Variants in ESRRG observed in about 807,000 individuals in gnomAD.
The protein encoded by ESRRG is estrogen related receptor gamma.
ESRRG carries 13 observed loss-of-function variants against 44.0 expected under a neutral mutation model. That is an observed-to-expected ratio of 0.30 (90% CI 0.19 to 0.47). ESRRG has a LOEUF of 0.47. ESRRG is among the 20% of genes least tolerant of loss of function. The pLI is 1.00. For missense variants in ESRRG, 395 were observed against 580.6 expected (o/e 0.68, Z 3.29); for synonymous variants, 215 against 214.6 (o/e 1.00, Z -0.02).
intron 1 of ESRRG, among the ~76,000 whole-genome samples, chr1:217,085,339 G>A (rs549655073): frequency 6.6e-6 from 1 of 152,130 alleles, no homozygotes; most frequent in African/African-American, 2.4e-5. Context: ...TCTCTTAAAA[G>A]AAGGCCCCGT....
intron 1 of ESRRG, among the ~76,000 whole-genome samples, chr1:217,035,002 T>C (rs1236814508): frequency 6.6e-6 from 1 of 152,174 alleles, no homozygotes; most frequent in Non-Finnish European, 1.5e-5. Context: ...TAATTAAATG[T>C]CAAATCCCCC....
At chr1:217,087,897 G>A (rs969068513) in intron 1 of ESRRG, among the ~76,000 whole-genome samples, 5 of 152,016 alleles carry the variant, frequency 3.3e-5, no homozygotes, top group East Asian at 1.9e-4. Flanking sequence ...ATGTCACTTC[G>A]TCTCCATCAG....
chr1:217,058,934 AAACT>A (rs2087750964), intron 1 of ESRRG, among the ~76,000 whole-genome samples: 1 of 148,572 alleles, frequency 6.7e-6, no homozygotes. Context: ...AAGATAATAT[AAACT>A]AATAAAAACT....
intron 1 of ESRRG, among the ~76,000 whole-genome samples, chr1:217,135,985 G>GGA (rs930694044): frequency 2.0e-5 from 3 of 152,056 alleles, no homozygotes; most frequent in East Asian, 1.9e-4. Flanking sequence ...GGATAGATTG[G>GGA]GAGAGAGAGA....
intron 2 of ESRRG, among the ~76,000 whole-genome samples, chr1:216,849,977 G>T (rs938373782): frequency 3.9e-5 from 6 of 151,974 alleles, no homozygotes; most frequent in African/African-American, 1.4e-4. Flanking sequence ...ATTTCTAATT[G>T]CACTTTAAAA....
intron 1 of ESRRG, 31 bp downstream of exon 1, chr1:216,723,213 A>T: frequency 7.2e-7 from 1 of 1,392,442 alleles, no homozygotes; most frequent in Non-Finnish European, 1.0e-6. Flanking sequence ...CCCCACGACG[A>T]GTTTAAAAAG....
At chr1:216,758,572 G>T (rs2092595484) in intron 2 of ESRRG, among the ~76,000 whole-genome samples, 1 of 151,838 alleles carries the variant, frequency 6.6e-6, no homozygotes, top group South Asian at 2.1e-4. Flanking sequence ...TTTTTTTAAA[G>T]CGACTCAAAG....
chr1:216,763,261 A>ATGT (rs5780919), intron 2 of ESRRG, among the ~76,000 whole-genome samples: 24,300 of 151,970 alleles, frequency 0.16, 2,690 homozygotes, highest in African/African-American at 0.31. Context: ...AGGCCATAAC[A>ATGT]TGTTGTTGTT....
intron 1 of ESRRG, among the ~76,000 whole-genome samples, chr1:216,996,243 G>A (rs2076360537): frequency 6.6e-6 from 1 of 152,112 alleles, no homozygotes; most frequent in African/African-American, 2.4e-5. Context: ...AGGAAAAAGA[G>A]GAGGAAGAGT....
rs56050369 is a variant in ESRRG, at chr1:216,931,835, C to CAAAAAA, written c.-14+7741_-14+7746dup. On this transcript the variant is annotated intron_variant, in intron 2 of 7. Coordinates refer to the ESRRG transcript ENST00000359162. ...ATCAAGACAGAAAAATGAGAAACCA[C>CAAAAAA]AAAAAAAAAAAAAAACACAAAATAA... Among the ~76,000 whole-genome samples, 643 of 130,874 alleles carry CAAAAAA rather than the reference C, an allele frequency of 4.9e-3. 3 individuals carry two copies. The highest frequency in any genetic ancestry group is 0.01 in the South Asian group (44 of 4,232). 85.9% of individuals were successfully genotyped at this position (130,874 alleles called of 152,430 possible).
At chr1:216,519,521 A>G in intron 5 of ESRRG, 100 bp from the exon 6 acceptor site, 1 of 1,150,016 alleles carries the variant, frequency 8.7e-7, no homozygotes, top group Non-Finnish European at 1.2e-6. Flanking sequence ...AGTGCTCAAA[A>G]TTATGCTGAG....
intron 1 of ESRRG, among the ~76,000 whole-genome samples, chr1:216,974,421 T>C (rs1399473662): frequency 6.6e-6 from 1 of 152,162 alleles, no homozygotes; most frequent in Non-Finnish European, 1.5e-5. Context: ...GACAATAACC[T>C]AGACCTAACT....
chr1:216,734,404 C>T (rs1459638878), intron 2 of ESRRG, among the ~76,000 whole-genome samples: 2 of 152,112 alleles, frequency 1.3e-5, no homozygotes, highest in Non-Finnish European at 2.9e-5. Context: ...TCAGGAATGG[C>T]TTGGTGCTGT....
intron 1 of ESRRG, among the ~76,000 whole-genome samples, chr1:216,969,417 A>C (rs185407418): frequency 0.022 from 3,303 of 151,936 alleles, 38 homozygotes; most frequent in Middle Eastern, 0.071. Flanking sequence ...TTGAAAAAAA[A>C]CATAGAAAAA....
intron 2 of ESRRG, among the ~76,000 whole-genome samples, chr1:216,869,872 C>A (rs1446842428): frequency 6.6e-6 from 1 of 151,822 alleles, no homozygotes. Context: ...TATAGAAATG[C>A]AATGATTTTT....
At chr1:216,674,043 T>A (rs940349319) in intron 2 of ESRRG, among the ~76,000 whole-genome samples, 2 of 152,354 alleles carry the variant, frequency 1.3e-5, no homozygotes, top group Non-Finnish European at 2.9e-5. Context: ...TATTTGCTTA[T>A]CTTTGTGTAG....
rs955327161 is a variant in ESRRG, at chr1:216,700,512, G to A, written c.56+22732C>T. 6.6e-5 allele frequency among the ~76,000 whole-genome samples: 10 copies of A among 151,946 alleles called. 1 individual carries two copies. The highest frequency in any genetic ancestry group is 4.4e-5 in the Non-Finnish European group (3 of 67,984). ...CACATACACAAACACACACACTTAC[G>A]CACTCATTTGCTCACTCTTAAACAT... On this transcript the variant is annotated intron_variant, in intron 1 of 6. Transcript: ENST00000408911.
At position 217,079,281 on chromosome 1, in the gene ESRRG, G is replaced by A. The variant is rs78962042; in HGVS notation, c.-106+10226C>T. Among the ~76,000 whole-genome samples the A allele has an allele frequency of 8.9e-4, 135 of 152,238 alleles. 1 individual carries two copies. Among genetic ancestry groups the A allele is most frequent in the Non-Finnish European group, 1.6e-3 (110 of 68,014 alleles). ...TCTTCTGTCTCTATGACAAGTCCAG[G>A]TTATGGTATATTATATGGTATTTTT... On this transcript the variant is annotated intron_variant, in intron 1 of 7. Transcript: ENST00000359162.
chr1:216,667,079 A>T (rs1438353954), intron 2 of ESRRG, among the ~76,000 whole-genome samples: 1 of 152,220 alleles, frequency 6.6e-6, no homozygotes, highest in South Asian at 2.1e-4. Flanking sequence ...GATAGGCACC[A>T]GGTCTTATGC....
Sources: allele counts gnomAD v4.1 joint callset (sites outside exome capture counted in the v4.1 genomes callset), GRCh38; gene constraint gnomAD v4.1.1; transcripts MANE v1.5; gene names NCBI Gene and HGNC (gene_info 2026-07-23, HGNC 2026-07-21).